SCAF11: variants seen among roughly 807,000 people sequenced by gnomAD.
SCAF11 encodes the protein SR-related CTD associated factor 11.
SCAF11 carries 47 observed loss-of-function variants against 140.5 expected under a neutral mutation model. That is an observed-to-expected ratio of 0.33 (90% CI 0.26 to 0.43). The LOEUF is 0.43. Among genes scored for constraint, SCAF11 ranks in the 20% least tolerant of loss-of-function variants. The pLI is 1.00. For synonymous variants in SCAF11, 557 were observed against 579.4 expected, an observed-to-expected ratio of 0.96 and a Z score of 0.55; for missense variants, 1,645 against 1,705.1, an observed-to-expected ratio of 0.96 and a Z score of 0.62.
At chr12:45,979,876 C>T (rs1271067603) in intron 1 of SCAF11, among the ~76,000 whole-genome samples, 1 of 147,412 alleles carries the variant, frequency 6.8e-6, no homozygotes, top group Non-Finnish European at 1.5e-5. Flanking sequence ...ACATACTATG[C>T]AAACTTAAAA....
In SCAF11 at chr12:45,961,847, G is replaced by T. The variant is rs772002831; in HGVS notation, c.72C>A (p.Asn24Lys). Reference sequence around the variant, plus strand: ...GACCAGTGGAAATAGTATTATCTCCGTTTTCTTCACCTGTTAAAGTAAAAC... The same window carrying T: ...GACCAGTGGAAATAGTATTATCTCCTTTTTCTTCACCTGTTAAAGTAAAAC... ...KKYEDMEGEE[N>K]GDNTISTGLL... Residue 24 changes from asparagine to lysine, a missense_variant, in exon 3 of 15, where the codon AAC (asparagine) becomes AAA (lysine). Physicochemically the swap from Asn to Lys is moderately conservative, Grantham distance 94. Transcript: ENST00000369367. 6.3e-7 allele frequency: 1 copy of T among 1,597,920 alleles called. No individual in the cohort carries two copies. The highest frequency in any genetic ancestry group is 2.3e-5 in the East Asian group (1 of 44,236).
At chr12:45,992,005 C>T (rs1423317568), upstream of SCAF11, 2 of 1,288,972 alleles carry the variant, frequency 1.6e-6, no homozygotes, top group Non-Finnish European at 2.0e-6. Context: ...GTTTCCTCCC[C>T]ACTTTGCCGC....
Position 45,927,682 on chromosome 12 carries a change from C to T in SCAF11, c.2019G>A (p.Leu673=), listed in dbSNP as rs762360867. 6.2e-7 allele frequency: 1 copy of T among 1,611,944 alleles called. No homozygotes were observed. Residue 673 remains leucine (L), a synonymous_variant, in exon 11 of 15, where the codon CTG becomes CTA. Coordinates refer to ENST00000369367, the MANE Select transcript of SCAF11 (RefSeq NM_004719.3). ...SENNLLKNNL[L]NTKLEKSLEE... ...CTAAAGATTTTTCCAATTTGGTGTT[C>T]AGAAGATTATTTTTTAGTAAGTTAT... is the stretch of plus-strand genomic sequence containing the variant.
At chr12:45,943,628 T>C (rs1283192196) in intron 6 of SCAF11, among the ~76,000 whole-genome samples, 5 of 152,188 alleles carry the variant, frequency 3.3e-5, no homozygotes, top group Non-Finnish European at 7.4e-5. Flanking sequence ...ATATCCCCCA[T>C]GGACAAGGGG....
In SCAF11 at chr12:45,927,325, A is replaced by C; in HGVS notation, c.2376T>G (p.Ser792=). Residue 792 remains serine, a synonymous_variant, in exon 11 of 15, where the codon TCT becomes TCG. Coordinates refer to ENST00000369367, the MANE Select transcript of SCAF11 (RefSeq NM_004719.3). ...AAGTTGTAGATGGAGAATGAAATCT[A>C]GATCTTCGAGTACGAGGCTTTTTGG... ...DKTKKPRTRR[S]RFHSPSTTWS... is the part of the protein sequence containing the mutation. The C allele has an allele frequency of 6.2e-7, 1 of 1,614,152 alleles. No individual in the cohort carries two copies. Among genetic ancestry groups the C allele is most frequent in the Non-Finnish European group, 8.5e-7 (1 of 1,180,010 alleles).
Position 45,966,366 on chromosome 12 carries a change from T to C in SCAF11, c.-21-2178A>G, listed in dbSNP as rs540625096. 1.4e-3 allele frequency among the ~76,000 whole-genome samples: 216 copies of C among 151,948 alleles called. 1 individual carries two copies. The highest frequency in any genetic ancestry group is 3.4e-3 in the Middle Eastern group (1 of 294). On this transcript the variant is annotated intron_variant, in intron 1 of 14. Transcript: ENST00000369367. ...TTTTTTTTTTTAGCTCCAAGATTTA[T>C]AGAATACTATAGGTATACTAGGCAA...
intron 3 of SCAF11, chr12:45,955,034 A>G (rs1592198855): frequency 6.6e-6 from 1 of 152,168 alleles, no homozygotes; most frequent in East Asian, 1.9e-4. Flanking sequence ...GAAAAACAAG[A>G]AAAAAAAGTA....
At chr12:45,988,695 A>G (rs1222859125) in intron 1 of SCAF11, among the ~76,000 whole-genome samples, 1 of 152,242 alleles carries the variant, frequency 6.6e-6, no homozygotes, top group South Asian at 2.1e-4. Flanking sequence ...ATACTGAAGA[A>G]TGTCTTTAAA....
At chr12:45,948,309 T>A in intron 5 of SCAF11, 128 bp downstream of exon 5, 2 of 622,846 alleles carry the variant, frequency 3.2e-6, no homozygotes, top group Non-Finnish European at 5.6e-6. Context: ...CCTTAAATTA[T>A]CAAGTGTGTG....
At chr12:45,973,721 C>G (rs75429048) in intron 1 of SCAF11, among the ~76,000 whole-genome samples, 1,849 of 152,242 alleles carry the variant, frequency 0.012, 10 homozygotes, top group Non-Finnish European at 0.018. Flanking sequence ...TGGAAAAGAA[C>G]TGTAAACCTA....
At chr12:45,964,233 C>A in intron 1 of SCAF11, 45 bp from the exon 2 acceptor site, 1 of 849,896 alleles carries the variant, frequency 1.2e-6, no homozygotes, top group Non-Finnish European at 1.9e-6. Context: ...TGCCTTCTCC[C>A]AATAATATCA....
chr12:45,972,897 T>TATATATAGATATATATATAGATATATAG (rs1565688754), intron 1 of SCAF11, among the ~76,000 whole-genome samples: 1 of 64,850 alleles, frequency 1.5e-5, no homozygotes, highest in African/African-American at 5.9e-5. Flanking sequence ...TATATAGATA[T>TATATATAGATATATATATAGATATATAG]ATATATATAT....
chr12:45,973,623 G>C (rs1299926063), intron 1 of SCAF11, among the ~76,000 whole-genome samples: 9 of 152,110 alleles, frequency 5.9e-5, no homozygotes, highest in Admixed American at 4.6e-4. Context: ...GAGGGGGAGG[G>C]AGTTTAATGA....
At position 45,927,539 on chromosome 12, in the gene SCAF11, C is replaced by T. The variant is rs1279044494; in HGVS notation, c.2162G>A (p.Cys721Tyr). 4 of 1,613,628 alleles carry T rather than the reference C, an allele frequency of 2.5e-6. No individual in the cohort carries two copies. The highest frequency in any genetic ancestry group is 2.5e-6 in the Non-Finnish European group (3 of 1,179,930). ...EDNNEMIPME[C>Y]DSFCSDQNES... ...ATTTTGGTCACTGCAAAATGAATCA[C>T]ACTCCATAGGTATCATTTCATTGTT... Residue 721 changes from cysteine (C) to tyrosine (Y), a missense_variant, in exon 11 of 15, where the codon TGT (cysteine) becomes TAT (tyrosine). Transcript: ENST00000369367.
rs369011210 is a variant in SCAF11, at chr12:45,934,304, G to A, written c.523-19C>T. The A allele has an allele frequency of 4.7e-5, 72 of 1,534,432 alleles. No individual in the cohort carries two copies. In the African/African-American group the frequency reaches 7.8e-4, roughly 17 times the overall value. On this transcript the variant is annotated intron_variant, in intron 7 of 14. Coordinates refer to ENST00000369367, the MANE Select transcript of SCAF11 (RefSeq NM_004719.3). ...TCTGAGGCTAGAAAAGTAAAAAGTAGTTAGTGAAACAGCAAATAAATAACA... is the reference window on the plus strand; with the variant it reads ...TCTGAGGCTAGAAAAGTAAAAAGTAATTAGTGAAACAGCAAATAAATAACA...
chr12:45,951,842 A>G (rs1352238436), intron 3 of SCAF11, 115 bp from the exon 4 acceptor site: 9 of 641,802 alleles, frequency 1.4e-5, no homozygotes, highest in Non-Finnish European at 2.4e-5. Flanking sequence ...AAAGAAAAAA[A>G]TATTTTTATA....
chr12:45,923,841 C>G (rs772090466), intron 12 of SCAF11, among the ~76,000 whole-genome samples: 6 of 151,618 alleles, frequency 4.0e-5, no homozygotes, highest in African/African-American at 7.3e-5. Context: ...ATCACCGCGC[C>G]TGGCTAATTT....
At chr12:45,990,933 G>A (rs1336920958), upstream of SCAF11, among the ~76,000 whole-genome samples, 2 of 152,376 alleles carry the variant, frequency 1.3e-5, no homozygotes, top group South Asian at 2.1e-4. Context: ...CGTGGACTTT[G>A]GCCTCTGCCC....
chr12:45,962,092 T>C (rs1171199241), intron 2 of SCAF11, among the ~76,000 whole-genome samples: 5 of 152,118 alleles, frequency 3.3e-5, no homozygotes, highest in Non-Finnish European at 7.4e-5. Context: ...TTAAAGTGAG[T>C]AATATTCACA....
Sources: allele counts gnomAD v4.1 joint callset (sites outside exome capture counted in the v4.1 genomes callset), GRCh38; gene constraint gnomAD v4.1.1; transcripts MANE v1.5; gene names NCBI Gene and HGNC (gene_info 2026-07-23, HGNC 2026-07-21).